SPEN: variants seen among roughly 807,000 people sequenced by gnomAD.
SPEN encodes spen family transcriptional repressor, also known as msx2-interacting protein.
SPEN carries 18 observed loss-of-function variants against 269.9 expected under a neutral mutation model. The observed-to-expected ratio is 0.07, with a 90% CI of 0.05 to 0.10. The LOEUF (loss-of-function observed/expected upper bound fraction) is 0.10. Among genes scored for constraint, SPEN ranks in the 10% least tolerant of loss-of-function variants. The probability of loss-of-function intolerance (pLI) is 1.00; values close to 1 mark genes in which losing one functional copy is unlikely to be tolerated. For missense variants in SPEN, 3,822 were observed against 4,631.2 expected (o/e 0.83, Z 5.07); for synonymous variants, 1,726 against 1,765.7 (o/e 0.98, Z 0.56).
chr1:15,930,401 A>G lies in SPEN; in HGVS notation c.4161A>G (p.Glu1387=). 3 of 1,613,992 alleles carry G rather than the reference A, an allele frequency of 1.9e-6. No individual in the cohort carries two copies. Among genetic ancestry groups the G allele is most frequent in the Non-Finnish European group, 2.5e-6 (3 of 1,179,938 alleles). The part of the protein sequence containing the change: ...EVPSDSDEDG[E]HKSHSPRASA... ...CTTCTGATTCTGACGAAGATGGTGAACACAAATCCCACTCACCCAGAGCCT... is the reference window on the plus strand; with the variant it reads ...CTTCTGATTCTGACGAAGATGGTGAGCACAAATCCCACTCACCCAGAGCCT... The change falls in exon 11 of 15, where the codon GAA becomes GAG. Residue 1387 remains glutamate, a synonymous_variant. Coordinates refer to ENST00000375759, the MANE Select transcript of SPEN (RefSeq NM_015001.3). This position sits in a 1 kb window ranked among gnomAD's most constrained non-coding sequence, Gnocchi z 5.3.
chr1:15,870,261 T>C (rs2070559983), intron 1 of SPEN, among the ~76,000 whole-genome samples: 1 of 152,184 alleles, frequency 6.6e-6, no homozygotes, highest in African/African-American at 2.4e-5. Flanking sequence ...GGTAGTTTGA[T>C]AAAAATGTGA....
At position 15,930,471 on chromosome 1, in the gene SPEN, A is replaced by G; in HGVS notation, c.4231A>G (p.Arg1411Gly). 7 of 1,614,250 alleles carry G rather than the reference A, an allele frequency of 4.3e-6. No individual in the cohort carries two copies. Among genetic ancestry groups the G allele is most frequent in the Non-Finnish European group, 5.1e-6 (6 of 1,180,050 alleles). The change falls in exon 11 of 15, where the codon AGA (arginine) becomes GGA (glycine). Residue 1411 changes from arginine to glycine, a missense_variant. Arg to Gly is a moderately radical substitution (Grantham distance 125, BLOSUM62 -2). Coordinates refer to ENST00000375759, the MANE Select transcript of SPEN (RefSeq NM_015001.3). This position sits in a 1 kb window ranked among gnomAD's most constrained non-coding sequence, Gnocchi z 5.3. Reference sequence around the variant, plus strand: ...TCGATTGTCTTTTTTATTGAGGGACAGAGAAGACAAGCTACGTGAGCGAGA... The same window carrying G: ...TCGATTGTCTTTTTTATTGAGGGACGGAGAAGACAAGCTACGTGAGCGAGA... ...SSRLSFLLRDREDKLRERDER... is the reference protein window; with the variant it reads ...SSRLSFLLRDGEDKLRERDER...
In SPEN at chr1:15,940,158, C is replaced by T. The variant is rs924861670; in HGVS notation, c.*731C>T. 4.9e-5 allele frequency: 11 copies of T among 226,662 alleles called. No homozygotes were observed. Among genetic ancestry groups the T allele is most frequent in the South Asian group, 1.8e-4 (1 of 5,442 alleles). 14.0% of individuals were successfully genotyped at this position (226,662 alleles called of 1,614,324 possible). On this transcript the variant is annotated 3_prime_UTR_variant, in exon 15 of 15. Coordinates refer to ENST00000375759, the MANE Select transcript of SPEN (RefSeq NM_015001.3). ...TTAAAAAATCAAATCCCCCGACATA[C>T]GTTTTTTTTAATCTGTGCCAAAAAT...
chr1:15,938,475 G>A (rs868433034), intron 13 of SPEN: 5 of 393,072 alleles, frequency 1.3e-5, no homozygotes, highest in Non-Finnish European at 2.3e-5. Flanking sequence ...TTGGTGGGGG[G>A]ATGTAAAGTA....
chr1:15,939,847 G>T lies in SPEN; in HGVS notation c.*420G>T, dbSNP rs2071321788. On this transcript the variant is annotated 3_prime_UTR_variant, in exon 15 of 15. Coordinates refer to ENST00000375759, the MANE Select transcript of SPEN (RefSeq NM_015001.3). The surrounding 1 kb of genome is among the most constrained non-coding windows in gnomAD (Gnocchi z 4.1). Reference sequence around the variant, plus strand: ...GCTGTGACACTCTGGATGTCTTGGTGTGTGTAGACACACATTGCAGACTCT... The same window carrying T: ...GCTGTGACACTCTGGATGTCTTGGTTTGTGTAGACACACATTGCAGACTCT... 1 of 235,062 alleles carries T rather than the reference G, an allele frequency of 4.3e-6. No homozygotes were observed. The highest frequency in any genetic ancestry group is 8.4e-6 in the Non-Finnish European group (1 of 119,166). The allele number at this position is 235,062 out of a possible 1,614,324, so 14.6% of individuals were successfully genotyped here. A position where few individuals can be genotyped will look rare whatever the true frequency, so the allele number is the denominator to read the frequency against.
rs200777699 is a variant in SPEN at position 15,876,500 on chromosome 1, C to T, written c.703C>T (p.Arg235Trp). 1.1e-5 allele frequency: 17 copies of T among 1,614,026 alleles called. No individual in the cohort carries two copies. Among genetic ancestry groups the T allele is most frequent in the South Asian group, 8.8e-5 (8 of 91,066 alleles). ...GGAGGTACGAGGCAGAAGGCCAGAG[C>T]GGAATTACCAGCACAGCAGGAGTCG... ...TREVRGRRPE[R>W]NYQHSRSRSP... Residue 235 changes from arginine (R) to tryptophan (W), a missense_variant, in exon 3 of 15, where the codon CGG becomes TGG. Coordinates refer to ENST00000375759, the MANE Select transcript of SPEN (RefSeq NM_015001.3).
At chr1:15,924,276 A>G (rs2071146680) in intron 10 of SPEN, among the ~76,000 whole-genome samples, 1 of 152,126 alleles carries the variant, frequency 6.6e-6, no homozygotes, top group African/African-American at 2.4e-5. Flanking sequence ...AATACAGTAA[A>G]TGCTTACAAG....
chr1:15,918,384 A>G (rs2071086148), intron 6 of SPEN, among the ~76,000 whole-genome samples: 1 of 152,150 alleles, frequency 6.6e-6, no homozygotes, highest in Admixed American at 6.5e-5. Flanking sequence ...ATGCCTGGCT[A>G]ATTTTTGTAT....
chr1:15,873,095 A>G lies in SPEN; in HGVS notation c.363A>G (p.Ser121=). ...GGCCTGCTTATGGTCCCCCACCGTC[A>G]CTTCATGCACGAGAAGGACGTTATG... The part of the protein sequence containing the change: ...GGGPAYGPPP[S]LHAREGRYER... The change falls in exon 2 of 15, where the codon TCA becomes TCG. Residue 121 remains serine, a synonymous_variant. Coordinates refer to ENST00000375759, the MANE Select transcript of SPEN (RefSeq NM_015001.3). The G allele has an allele frequency of 6.2e-7, 1 of 1,613,976 alleles. No individual in the cohort carries two copies. Among genetic ancestry groups the G allele is most frequent in the Non-Finnish European group, 8.5e-7 (1 of 1,179,916 alleles).
chr1:15,849,308 A>G (rs1400069613), intron 1 of SPEN, among the ~76,000 whole-genome samples: 5 of 152,248 alleles, frequency 3.3e-5, no homozygotes, highest in African/African-American at 9.6e-5. Context: ...GTCCTCATTA[A>G]TGAGTCACCA....
chr1:15,848,279 G>C lies in SPEN; in HGVS notation c.83+129G>C, dbSNP rs992899406. ...CCGGCCCGGACCCACGGGCGCTGTG[G>C]GACCTCGTCAGCCGCTCGGCCCGCG... is the stretch of plus-strand genomic sequence containing the variant. On this transcript the variant is annotated intron_variant, in intron 1 of 14. Transcript: ENST00000375759. This position sits in a 1 kb window ranked among gnomAD's most constrained non-coding sequence, Gnocchi z 5.1. 5.1e-4 allele frequency: 258 copies of C among 501,308 alleles called. No homozygotes were observed. The highest frequency in any genetic ancestry group is 7.7e-4 in the Non-Finnish European group (247 of 319,810). 31.1% of individuals were successfully genotyped at this position (501,308 alleles called of 1,614,324 possible).
In SPEN at chr1:15,939,374, GC is replaced by G; in HGVS notation, c.10944del (p.Ser3649AlafsTer10). 6.2e-7 allele frequency: 1 copy of G among 1,606,176 alleles called. No homozygotes were observed. Among genetic ancestry groups the G allele is most frequent in the Non-Finnish European group, 8.5e-7 (1 of 1,176,302 alleles). On this transcript the variant is annotated frameshift_variant, in exon 15 of 15. Transcript: ENST00000375759. LOFTEE classifies it high-confidence loss of function. This position sits in a 1 kb window ranked among gnomAD's most constrained non-coding sequence, Gnocchi z 4.1. ...HLSRLAPDLL[A>X]SISNISPHLM... The stretch of plus-strand genomic sequence containing the variant: ...GTCCCGCCTGGCCCCTGACCTCCTT[GC>G]CAGCATCTCCAACATCTCTCCCCAC...
At position 15,931,435 on chromosome 1, in the gene SPEN, A is replaced by G; in HGVS notation, c.5195A>G (p.Asp1732Gly). Reference protein sequence around the residue: ...GSSGDQPPYLDAKPPTPGASF... With the variant: ...GSSGDQPPYLGAKPPTPGASF... ...TCAGGTGACCAGCCGCCTTATCTGG[A>G]TGCCAAGCCTCCAACTCCCGGGGCC... Residue 1732 changes from aspartate (D) to glycine (G), a missense_variant, in exon 11 of 15, where the codon GAT becomes GGT. By Grantham distance (94) the Asp-to-Gly change is moderately conservative (BLOSUM62 -1). Transcript: ENST00000375759. This position sits in a 1 kb window ranked among gnomAD's most constrained non-coding sequence, Gnocchi z 4.8. The G allele has an allele frequency of 1.2e-6, 2 of 1,614,148 alleles. No homozygotes were observed. The highest frequency in any genetic ancestry group is 1.7e-6 in the Non-Finnish European group (2 of 1,180,026).
chr1:15,852,634 C>T (rs1405858661), intron 1 of SPEN, among the ~76,000 whole-genome samples: 2 of 152,040 alleles, frequency 1.3e-5, no homozygotes, highest in African/African-American at 4.8e-5. Context: ...GTTGCAGACT[C>T]GTGATTGCTG....
At chr1:15,901,909 T>G (rs929730253) in intron 3 of SPEN, among the ~76,000 whole-genome samples, 2 of 149,656 alleles carry the variant, frequency 1.3e-5, no homozygotes, top group Non-Finnish European at 3.0e-5. Context: ...AAACCTTTTA[T>G]TTTTTACTTA....
intron 1 of SPEN, among the ~76,000 whole-genome samples, chr1:15,860,311 A>C (rs1227797621): frequency 6.6e-6 from 1 of 151,460 alleles, no homozygotes; most frequent in East Asian, 2.0e-4. Context: ...ATCCCAGCTC[A>C]CTGCAGCCTC....
chr1:15,939,218 C>T lies in SPEN; in HGVS notation c.10864-78C>T. 6.7e-7 allele frequency: 1 copy of T among 1,488,358 alleles called. No individual in the cohort carries two copies. Among genetic ancestry groups the T allele is most frequent in the Non-Finnish European group, 9.0e-7 (1 of 1,116,578 alleles). 92.2% of individuals were successfully genotyped at this position (1,488,358 alleles called of 1,614,324 possible). Reference sequence around the variant, plus strand: ...TGGCCTGGCTCTTAGCATTGGGCCTCTTCAGGGCTCCCCAATGGAAGTGGA... The same window carrying T: ...TGGCCTGGCTCTTAGCATTGGGCCTTTTCAGGGCTCCCCAATGGAAGTGGA... On this transcript the variant is annotated intron_variant, in intron 14 of 14. Coordinates refer to ENST00000375759, the MANE Select transcript of SPEN (RefSeq NM_015001.3). This position sits in a 1 kb window ranked among gnomAD's most constrained non-coding sequence, Gnocchi z 4.1.
intron 3 of SPEN, among the ~76,000 whole-genome samples, chr1:15,899,914 C>G (rs1396534644): frequency 6.6e-6 from 1 of 151,930 alleles, no homozygotes; most frequent in Non-Finnish European, 1.5e-5. Context: ...GGCGCTATCT[C>G]GGCTCACTGC....
chr1:15,917,530 C>G (rs112858542), intron 6 of SPEN, among the ~76,000 whole-genome samples: 5,288 of 152,204 alleles, frequency 0.035, 297 homozygotes, highest in African/African-American at 0.12. Flanking sequence ...GCTGGGATTA[C>G]AGGCGCCCGC....
Sources: allele counts gnomAD v4.1 joint callset (sites outside exome capture counted in the v4.1 genomes callset), GRCh38; gene constraint gnomAD v4.1.1; non-coding constraint Gnocchi (gnomAD v3.1); transcripts MANE v1.5; gene names NCBI Gene and HGNC (gene_info 2026-07-23, HGNC 2026-07-21).